The following LRMDA variants were observed in gnomAD, a reference collection of about 807,000 sequenced individuals.
LRMDA encodes the protein leucine-rich melanocyte differentiation-associated protein.
Under a neutral mutation model 29.8 loss-of-function variants are expected in LRMDA, and 18 were observed. The ratio of observed to expected loss-of-function variants is 0.60; its 90% CI spans 0.42 to 0.90. The LOEUF (loss-of-function observed/expected upper bound fraction) is 0.90, where lower values mean the gene tolerates loss of function less well. Ranked by LOEUF, LRMDA falls within the 40% of genes least tolerant of loss-of-function variation. The probability of loss-of-function intolerance (pLI) is 0.00; values close to 1 mark genes in which losing one functional copy is unlikely to be tolerated. For missense variants in LRMDA, 273 were observed against 273.9 expected (o/e 1.00, Z 0.02); for synonymous variants, 125 against 109.4 (o/e 1.14, Z -0.89).
At chr10:75,573,208 G>GT (rs1054899191) in intron 2 of LRMDA, among the ~76,000 whole-genome samples, 5 of 152,084 alleles carry the variant, frequency 3.3e-5, no homozygotes, top group African/African-American at 9.7e-5. Context: ...CTTTAAAGAT[G>GT]TTTTTTCTCC....
intron 6 of LRMDA, among the ~76,000 whole-genome samples, chr10:76,353,655 C>T (rs1841205656): frequency 6.6e-6 from 1 of 152,116 alleles, no homozygotes; most frequent in South Asian, 2.1e-4. Context: ...AGACCTTTCA[C>T]TCAAGTCATT....
intron 2 of LRMDA, among the ~76,000 whole-genome samples, chr10:75,574,676 C>A (rs1204110114): frequency 6.6e-6 from 1 of 152,168 alleles, no homozygotes; most frequent in Non-Finnish European, 1.5e-5. Flanking sequence ...CTGTCAGTTT[C>A]ACACTTGTAC....
At chr10:75,967,160 C>T (rs138453250) in intron 2 of LRMDA, among the ~76,000 whole-genome samples, 4 of 152,310 alleles carry the variant, frequency 2.6e-5, no homozygotes, top group African/African-American at 4.8e-5. Flanking sequence ...TCCAATCCCT[C>T]GTCCCTCCTT....
At chr10:75,475,737 CA>C (rs777679719) in intron 2 of LRMDA, among the ~76,000 whole-genome samples, 4 of 152,080 alleles carry the variant, frequency 2.6e-5, no homozygotes, top group Non-Finnish European at 4.4e-5. Flanking sequence ...CTTTCTCTGA[CA>C]ATACATTATG....
chr10:75,927,209 G>A (rs1012163100), intron 2 of LRMDA, among the ~76,000 whole-genome samples: 7 of 152,168 alleles, frequency 4.6e-5, no homozygotes, highest in Non-Finnish European at 1.0e-4. Flanking sequence ...AGTAGGGTTT[G>A]TTCTTAAGAT....
intron 5 of LRMDA, among the ~76,000 whole-genome samples, chr10:76,316,344 C>T (rs1295113961): frequency 6.6e-6 from 1 of 152,058 alleles, no homozygotes; most frequent in African/African-American, 2.4e-5. Context: ...CCTATACTGG[C>T]ACTTGGAGCT....
intron 2 of LRMDA, among the ~76,000 whole-genome samples, chr10:75,463,124 G>A (rs529968305): frequency 6.6e-6 from 1 of 152,310 alleles, no homozygotes; most frequent in East Asian, 1.9e-4. Context: ...TCTTCTCTCT[G>A]CTTCAGCCCG....
intron 2 of LRMDA, among the ~76,000 whole-genome samples, chr10:75,724,216 G>C (rs571912155): frequency 6.6e-6 from 1 of 152,270 alleles, no homozygotes; most frequent in East Asian, 1.9e-4. Context: ...CGTGCTGTGA[G>C]GTTCAATTCA....
intron 6 of LRMDA, among the ~76,000 whole-genome samples, chr10:76,469,974 A>G (rs983688242): frequency 6.6e-6 from 1 of 152,126 alleles, no homozygotes; most frequent in African/African-American, 2.4e-5. Flanking sequence ...CCCTATGATC[A>G]TGGATTAACA....
At chr10:75,629,155 C>T (rs562310791) in intron 2 of LRMDA, among the ~76,000 whole-genome samples, 1 of 152,284 alleles carries the variant, frequency 6.6e-6, no homozygotes, top group East Asian at 1.9e-4. Flanking sequence ...AGATACTGCC[C>T]TGGGGCAGAG....
intron 2 of LRMDA, among the ~76,000 whole-genome samples, chr10:75,720,362 A>G (rs1295524446): frequency 6.6e-6 from 1 of 152,190 alleles, no homozygotes; most frequent in Non-Finnish European, 1.5e-5. Flanking sequence ...TGAGTCACTT[A>G]ACAACATATC....
At chr10:76,305,258 GTGGGCCCTTTCT>G (rs6143988) in intron 5 of LRMDA, among the ~76,000 whole-genome samples, 89,579 of 151,682 alleles carry the variant, frequency 0.59, 30,433 homozygotes, top group Non-Finnish European at 0.8. Flanking sequence ...TGTAGCATGT[GTGGGCCCTTTCT>G]TGGGCCCTTT....
chr10:75,668,015 A>G (rs780286123), intron 2 of LRMDA, among the ~76,000 whole-genome samples: 14 of 152,264 alleles, frequency 9.2e-5, no homozygotes, highest in Non-Finnish European at 1.6e-4. Flanking sequence ...GGTTAATTCC[A>G]AAATCAAAAT....
intron 5 of LRMDA, among the ~76,000 whole-genome samples, chr10:76,071,008 T>G (rs1337171875): frequency 6.6e-6 from 1 of 151,600 alleles, no homozygotes; most frequent in Non-Finnish European, 1.5e-5. Flanking sequence ...AGGAGAGAGG[T>G]CTCCATACAG....
At position 76,076,291 on chromosome 10, in the gene LRMDA, C is replaced by T. The variant is rs568459365; in HGVS notation, c.516+17508C>T. ...CCAGGAGGCGGAGCTTGCAATGAGC[C>T]GAGACCGCCATGCCACTGCACTCCA... On this transcript the variant is annotated intron_variant, in intron 5 of 6. Coordinates refer to ENST00000611255, the MANE Select transcript of LRMDA (RefSeq NM_001305581.2). Among the ~76,000 whole-genome samples the T allele has an allele frequency of 7.9e-5, 11 of 138,780 alleles. No homozygotes were observed. In the South Asian group the frequency reaches 1.4e-3, roughly 17 times the overall value. 91.0% of individuals were successfully genotyped at this position (138,780 alleles called of 152,430 possible).
chr10:75,584,576 T>C (rs1840634867), intron 2 of LRMDA, among the ~76,000 whole-genome samples: 1 of 152,146 alleles, frequency 6.6e-6, no homozygotes, highest in Non-Finnish European at 1.5e-5. Context: ...ATTCAGAGAA[T>C]AGGAGTTTTG....
intron 2 of LRMDA, among the ~76,000 whole-genome samples, chr10:75,594,147 C>T (rs1268554686): frequency 1.3e-5 from 2 of 152,170 alleles, no homozygotes; most frequent in Non-Finnish European, 2.9e-5. Flanking sequence ...ATCAGGGTGC[C>T]CCGGGTGCCC....
At chr10:75,902,039 A>G (rs550056500) in intron 2 of LRMDA, among the ~76,000 whole-genome samples, 1 of 152,308 alleles carries the variant, frequency 6.6e-6, no homozygotes, top group African/African-American at 2.4e-5. Flanking sequence ...ATGAGAGTCC[A>G]GATGAGGCCC....
In LRMDA at chr10:75,648,738, G is replaced by T. The variant is rs1314947098; in HGVS notation, c.131+210244G>T. Among the ~76,000 whole-genome samples the T allele has an allele frequency of 2.0e-5, 3 of 152,266 alleles. No individual in the cohort carries two copies. The South Asian group carries it at 6.2e-4, about 32-fold the overall frequency. ...CACTTTTCTAAGTTGGAAACAGAGA[G>T]TATTTGCTCTGGGGAAGGAGCAGGT... On this transcript the variant is annotated intron_variant, in intron 2 of 6. Coordinates refer to ENST00000611255, the MANE Select transcript of LRMDA (RefSeq NM_001305581.2).
Sources: gnomAD v4.1 joint callset for allele counts (sites outside exome capture counted in the v4.1 genomes callset) on GRCh38, gnomAD v4.1.1 for gene constraint, MANE v1.5 for transcripts, NCBI Gene and HGNC (gene_info 2026-07-23, HGNC 2026-07-21) for gene names.